SNX18: variants seen among roughly 807,000 people sequenced by gnomAD.
SNX18 encodes the protein sorting nexin 18.
In SNX18, 35 loss-of-function variants were observed where a neutral mutation model predicts 48.7. That is an observed-to-expected ratio of 0.72 (90% CI 0.55 to 0.95). The LOEUF (loss-of-function observed/expected upper bound fraction) is 0.95. Ranked by LOEUF, SNX18 falls within the 40% of genes least tolerant of loss-of-function variation. The pLI is 0.00. For synonymous variants in SNX18, 492 were observed against 384.7 expected (o/e 1.28, Z -3.26); for missense variants, 824 against 871.0 (o/e 0.95, Z 0.68).
Position 54,518,323 on chromosome 5 carries a change from C to G in SNX18, c.371C>G (p.Ala124Gly). 6.5e-7 allele frequency: 1 copy of G among 1,543,302 alleles called. No individual in the cohort carries two copies. The highest frequency in any genetic ancestry group is 8.7e-7 in the Non-Finnish European group (1 of 1,147,870). ...PPPSTFQPPG[A>G]GFPYGGGALQ... Reference sequence around the variant, plus strand: ...CCGAGCACCTTCCAGCCGCCCGGCGCGGGCTTCCCGTACGGCGGGGGCGCC... The same window carrying G: ...CCGAGCACCTTCCAGCCGCCCGGCGGGGGCTTCCCGTACGGCGGGGGCGCC... The change falls in exon 1 of 2, where the codon GCG becomes GGG. Residue 124 changes from alanine to glycine, a missense_variant. Around this residue, in one of 3 missense-constraint regions of SNX18, gnomAD observed 377 missense variants for 350.6 expected, o/e 1.08. Coordinates refer to ENST00000381410, the MANE Select transcript of SNX18 (RefSeq NM_001102575.2).
At chr5:54,566,680 G>A in the SNX18 span, among the ~76,000 whole-genome samples, 1 of 152,206 alleles carries the variant, frequency 6.6e-6, no homozygotes, top group African/African-American at 2.4e-5. Context: ...ATTGTTTTAA[G>A]GGTTAGGCCA....
the SNX18 span, among the ~76,000 whole-genome samples, chr5:54,598,036 C>A: frequency 6.6e-6 from 1 of 152,004 alleles, no homozygotes; most frequent in Non-Finnish European, 1.5e-5. Context: ...CAAATAGACA[C>A]AATAAAAAAT....
the SNX18 span, among the ~76,000 whole-genome samples, chr5:54,626,950 G>A: frequency 1.3e-5 from 2 of 152,162 alleles, no homozygotes; most frequent in African/African-American, 2.4e-5. Flanking sequence ...TCATATGGTG[G>A]GCCCTAAGGC....
rs369899612 is a variant in SNX18, at chr5:54,544,606, T to C, written c.*1174T>C. On this transcript the variant is annotated 3_prime_UTR_variant, in exon 2 of 2. Transcript: ENST00000381410. ...GGAAAAAGATAATTGATTTATACTA[T>C]GTTTTAAAAAAAAAAAAGGTATTGA... The C allele has an allele frequency of 4.7e-5, 6 of 126,608 alleles. No homozygotes were observed. The South Asian group carries it at 1.0e-3, about 22-fold the overall frequency. 7.8% of individuals were successfully genotyped at this position (126,608 alleles called of 1,614,324 possible).
At chr5:54,597,023 G>C in the SNX18 span, among the ~76,000 whole-genome samples, 7 of 152,116 alleles carry the variant, frequency 4.6e-5, no homozygotes, top group African/African-American at 1.7e-4. Flanking sequence ...TCACATGCAA[G>C]GGCACACATT....
the SNX18 span, among the ~76,000 whole-genome samples, chr5:54,598,660 G>A: frequency 5.3e-5 from 8 of 152,014 alleles, no homozygotes; most frequent in African/African-American, 1.9e-4. Flanking sequence ...GACACATAAA[G>A]GACTTTGATA....
chr5:54,580,275 G>A, the SNX18 span, among the ~76,000 whole-genome samples: 22 of 152,272 alleles, frequency 1.4e-4, no homozygotes, highest in African/African-American at 5.1e-4. Context: ...GTTTACAATG[G>A]TGTTTTATTT....
the SNX18 span, among the ~76,000 whole-genome samples, chr5:54,637,221 G>A: frequency 6.6e-6 from 1 of 152,028 alleles, no homozygotes; most frequent in Non-Finnish European, 1.5e-5. Flanking sequence ...ATGGAGAGAA[G>A]AATTTTGCGA....
At chr5:54,533,896 G>T (rs1762298790) in intron 1 of SNX18, among the ~76,000 whole-genome samples, 1 of 152,188 alleles carries the variant, frequency 6.6e-6, no homozygotes, top group South Asian at 2.1e-4. Context: ...AGACCAACAG[G>T]GAGGAAGGAA....
At chr5:54,528,567 T>G (rs1412238088) in intron 1 of SNX18, among the ~76,000 whole-genome samples, 1 of 152,086 alleles carries the variant, frequency 6.6e-6, no homozygotes, top group Non-Finnish European at 1.5e-5. Flanking sequence ...TGAAATGCTT[T>G]AGGATAGGTT....
chr5:54,586,840 A>G, the SNX18 span, among the ~76,000 whole-genome samples: 1 of 152,200 alleles, frequency 6.6e-6, no homozygotes, highest in Non-Finnish European at 1.5e-5. Flanking sequence ...CAAGGATGGA[A>G]GGAGCCCATG....
chr5:54,562,207 C>T, the SNX18 span, among the ~76,000 whole-genome samples: 1 of 152,090 alleles, frequency 6.6e-6, no homozygotes, highest in Non-Finnish European at 1.5e-5. Flanking sequence ...TGTTTGGACA[C>T]CAAGAGGAGG....
At chr5:54,599,980 AC>A in the SNX18 span, among the ~76,000 whole-genome samples, 1 of 152,226 alleles carries the variant, frequency 6.6e-6, no homozygotes. Flanking sequence ...GCAAAAATTG[AC>A]AAATGGGGTC....
At chr5:54,646,304 C>A in the SNX18 span, among the ~76,000 whole-genome samples, 3 of 152,176 alleles carry the variant, frequency 2.0e-5, no homozygotes, top group Non-Finnish European at 4.4e-5. Flanking sequence ...TTCTGAAACA[C>A]TCTGCTAGGG....
downstream of SNX18, among the ~76,000 whole-genome samples, chr5:54,550,604 G>C (rs1163115457): frequency 1.3e-5 from 2 of 152,166 alleles, no homozygotes; most frequent in Non-Finnish European, 2.9e-5. Context: ...ATTATTTTTA[G>C]ATGGAGTCTT....
intron 1 of SNX18, among the ~76,000 whole-genome samples, chr5:54,526,601 AC>A (rs1239265639): frequency 2.6e-5 from 4 of 152,120 alleles, no homozygotes; most frequent in Admixed American, 2.0e-4. Context: ...TATTCATAGG[AC>A]CCTCTAAAAG....
At chr5:54,616,502 G>A in the SNX18 span, among the ~76,000 whole-genome samples, 2 of 152,132 alleles carry the variant, frequency 1.3e-5, no homozygotes, top group South Asian at 4.1e-4. Context: ...GCCAGGCACG[G>A]TGGCTCACAC....
At chr5:54,567,551 A>G in the SNX18 span, among the ~76,000 whole-genome samples, 1 of 152,178 alleles carries the variant, frequency 6.6e-6, no homozygotes, top group Non-Finnish European at 1.5e-5. Context: ...CCTTACAAAA[A>G]CATCAGGGCG....
chr5:54,608,766 A>G, the SNX18 span, among the ~76,000 whole-genome samples: 47,414 of 152,050 alleles, frequency 0.31, 7,823 homozygotes, highest in East Asian at 0.4. Flanking sequence ...AGTGTGCATC[A>G]CTTTATTTTC....
Sources: gnomAD v4.1 joint callset for allele counts (sites outside exome capture counted in the v4.1 genomes callset) on GRCh38, gnomAD v4.1.1 for gene constraint, gnomAD v4.1.1 regional missense constraint, MANE v1.5 for transcripts, NCBI Gene and HGNC (gene_info 2026-07-23, HGNC 2026-07-21) for gene names.